The following ITPR2 variants were observed in gnomAD, a reference collection of about 807,000 sequenced individuals.
The protein encoded by ITPR2 is inositol 1,4,5-trisphosphate receptor type 2, also known as inositol 1,4,5-trisphosphate-gated calcium channel ITPR2.
A neutral mutation model predicts 317.1 loss-of-function variants in ITPR2; 207 were observed. The observed-to-expected ratio is 0.65, with a 90% confidence interval of 0.58 to 0.73. The LOEUF is 0.73. Ranked by LOEUF, ITPR2 falls within the 30% of genes least tolerant of loss-of-function variation. The pLI, the probability that ITPR2 is intolerant of heterozygous loss-of-function variation, is 0.00. For missense variants in ITPR2, 2,613 were observed against 3,284.0 expected, an observed-to-expected ratio of 0.80 and a Z score of 4.99; for synonymous variants, 1,156 against 1,149.1, an observed-to-expected ratio of 1.01 and a Z score of -0.12.
intron 45 of ITPR2, among the ~76,000 whole-genome samples, chr12:26,455,306 T>G (rs1312261519): frequency 7.1e-6 from 1 of 140,100 alleles, no homozygotes; most frequent in East Asian, 2.1e-4. Context: ...AAATATGCCA[T>G]TGCTGTCTCT....
At chr12:26,461,691 T>C (rs12321177) in intron 45 of ITPR2, among the ~76,000 whole-genome samples, 8,562 of 123,422 alleles carry the variant, frequency 0.069, 697 homozygotes, top group African/African-American at 0.19. Context: ...CATATATATA[T>C]ACACACACAC....
chr12:26,390,869 A>G (rs1040330937), intron 54 of ITPR2, among the ~76,000 whole-genome samples: 17 of 152,230 alleles, frequency 1.1e-4, no homozygotes, highest in African/African-American at 3.9e-4. Context: ...CCAGAATTCA[A>G]TTCAAACATC....
chr12:26,602,757 CATTT>C, intron 26 of ITPR2, 51 bp from the exon 27 acceptor site: 3 of 898,992 alleles, frequency 3.3e-6, no homozygotes, highest in Non-Finnish European at 5.1e-6. Context: ...CTTTGTGTTA[CATTT>C]ATTTCTTTTG....
chr12:26,775,894 G>A (rs1452565527), intron 2 of ITPR2, among the ~76,000 whole-genome samples: 3 of 91,834 alleles, frequency 3.3e-5, no homozygotes, highest in East Asian at 2.6e-4. Flanking sequence ...AGAACCTTGT[G>A]ATCGTGTCAG....
In ITPR2 at chr12:26,403,994, G is replaced by A. The variant is rs1399119423; in HGVS notation, c.7400-3736C>T. ...GAGCATCATGGAAAGCCTGAGTTGG[G>A]GTAGGGGAGGAAATATTCAAGGCAG... On this transcript the variant is annotated intron_variant, in intron 52 of 56. Transcript: ENST00000381340. Among the ~76,000 whole-genome samples, 4 of 152,176 alleles carry A rather than the reference G, an allele frequency of 2.6e-5. 1 individual carries two copies. Among genetic ancestry groups the A allele is most frequent in the African/African-American group, 9.7e-5 (4 of 41,434 alleles).
chr12:26,538,894 G>A (rs1944179345), intron 37 of ITPR2, among the ~76,000 whole-genome samples: 1 of 152,128 alleles, frequency 6.6e-6, no homozygotes, highest in Admixed American at 6.5e-5. Flanking sequence ...TTCTTACCAG[G>A]TCATTTTACC....
intron 2 of ITPR2, among the ~76,000 whole-genome samples, chr12:26,773,933 T>C (rs1949913892): frequency 6.8e-6 from 1 of 147,610 alleles, no homozygotes; most frequent in South Asian, 2.2e-4. Flanking sequence ...ACAGGATGAC[T>C]CACCACAAAC....
At chr12:26,748,158 A>G (rs1224595648) in intron 2 of ITPR2, among the ~76,000 whole-genome samples, 2 of 152,088 alleles carry the variant, frequency 1.3e-5, no homozygotes, top group Admixed American at 6.6e-5. Flanking sequence ...TCCTGGGTTC[A>G]AGTGATTCTC....
intron 34 of ITPR2, among the ~76,000 whole-genome samples, chr12:26,565,366 T>C (rs1249802365): frequency 6.6e-6 from 1 of 152,132 alleles, no homozygotes; most frequent in Non-Finnish European, 1.5e-5. Context: ...TAAATGGTTA[T>C]AGCAGAACTA....
intron 37 of ITPR2, among the ~76,000 whole-genome samples, chr12:26,530,743 T>C (rs1260243016): frequency 6.6e-6 from 1 of 152,170 alleles, no homozygotes; most frequent in Non-Finnish European, 1.5e-5. Flanking sequence ...TCAAACACTG[T>C]AGTATATCTA....
intron 48 of ITPR2, among the ~76,000 whole-genome samples, 168 bp from the exon 49 acceptor site, chr12:26,428,256 A>G (rs1438791927): frequency 3.3e-5 from 5 of 152,232 alleles, no homozygotes; most frequent in African/African-American, 1.2e-4. Context: ...CTTTGAAAGC[A>G]TTACTCATTA....
chr12:26,553,787 A>G (rs890291308), intron 36 of ITPR2, among the ~76,000 whole-genome samples: 3 of 152,112 alleles, frequency 2.0e-5, no homozygotes, highest in Non-Finnish European at 4.4e-5. Flanking sequence ...TCCGTCTCAA[A>G]AAAAAAGACC....
chr12:26,364,842 G>T (rs939364680), intron 55 of ITPR2, among the ~76,000 whole-genome samples: 2 of 152,132 alleles, frequency 1.3e-5, no homozygotes, highest in Non-Finnish European at 2.9e-5. Flanking sequence ...TGTGTACCCT[G>T]ACGGCCTCTA....
chr12:26,745,471 T>C (rs1036819921), intron 2 of ITPR2, among the ~76,000 whole-genome samples: 3 of 152,226 alleles, frequency 2.0e-5, no homozygotes, highest in Non-Finnish European at 4.4e-5. Flanking sequence ...AACTGCAAAG[T>C]TGAACTATCT....
At chr12:26,412,194 T>C (rs1302242900) in intron 51 of ITPR2, among the ~76,000 whole-genome samples, 1 of 152,150 alleles carries the variant, frequency 6.6e-6, no homozygotes, top group African/African-American at 2.4e-5. Flanking sequence ...AGTATTGAAG[T>C]GCATTTCCCA....
chr12:26,485,703 C>CA (rs1942650363), intron 41 of ITPR2, among the ~76,000 whole-genome samples: 1 of 152,200 alleles, frequency 6.6e-6, no homozygotes, highest in Non-Finnish European at 1.5e-5. Context: ...TCAGTACTCT[C>CA]ACTCAAGAAA....
intron 52 of ITPR2, chr12:26,400,700 T>A (rs1254635441): frequency 1.3e-5 from 2 of 152,408 alleles, no homozygotes; most frequent in Non-Finnish European, 2.9e-5. Flanking sequence ...AAGGCTCACA[T>A]TCGTTGTGCT....
intron 55 of ITPR2, among the ~76,000 whole-genome samples, chr12:26,372,839 A>T (rs1939223925): frequency 6.6e-6 from 1 of 152,204 alleles, no homozygotes; most frequent in South Asian, 2.1e-4. Context: ...AAATTCTCAC[A>T]GGCCCTTCAG....
chr12:26,427,882 G>A lies in ITPR2; in HGVS notation c.6945+31C>T, dbSNP rs528313273. 9 of 1,367,852 alleles carry A rather than the reference G, an allele frequency of 6.6e-6. No homozygotes were observed. The South Asian group carries it at 1.2e-4, about 19-fold the overall frequency. The allele number at this position is 1,367,852 out of a possible 1,614,324, so 84.7% of individuals were successfully genotyped here. A position where few individuals can be genotyped will look rare whatever the true frequency, so the allele number is the denominator to read the frequency against. On this transcript the variant is annotated intron_variant, in intron 49 of 56. Transcript: ENST00000381340. ...TTTCATACACTTTTAAACTAATTCT[G>A]TAACAGTACAAAGCTAAGTAAAGTA... is the stretch of plus-strand genomic sequence containing the variant.
Sources: allele counts gnomAD v4.1 joint callset (sites outside exome capture counted in the v4.1 genomes callset), GRCh38; gene constraint gnomAD v4.1.1; transcripts MANE v1.5; gene names NCBI Gene and HGNC (gene_info 2026-07-23, HGNC 2026-07-21).